FABP6: variants seen among roughly 807,000 people sequenced by gnomAD.
FABP6 encodes the protein fatty acid binding protein 6.
Under a neutral mutation model 14.9 loss-of-function variants are expected in FABP6, and 13 were observed. The ratio of observed to expected loss-of-function variants is 0.87; its 90% CI spans 0.57 to 1.39. The LOEUF is 1.39. Ranked by LOEUF, FABP6 falls within the 40% of genes most tolerant of loss-of-function variation. FABP6 has a pLI of 0.00. For missense variants in FABP6, 161 were observed against 167.2 expected (o/e 0.96, Z 0.20); for synonymous variants, 75 against 63.6 (o/e 1.18, Z -0.85).
intron 3 of FABP6, 40 bp downstream of exon 3, chr5:160,234,949 TTGTC>T (rs760478808): frequency 3.7e-5 from 58 of 1,579,336 alleles, no homozygotes; most frequent in Non-Finnish European, 5.0e-5. Context: ...TATTGGATAT[TTGTC>T]TGCCTCTTGG....
chr5:160,222,685 C>T (rs1760154690), intron 3 of FABP6, among the ~76,000 whole-genome samples: 1 of 152,096 alleles, frequency 6.6e-6, no homozygotes, highest in Non-Finnish European at 1.5e-5. Context: ...AAAATAAACC[C>T]CCTTTTTATT....
At position 160,199,112 on chromosome 5, in the gene FABP6, G is replaced by A. The variant is rs748865194; in HGVS notation, c.6G>A (p.Lys2=). The change falls in exon 2 of 7, where the codon AAG becomes AAA. Residue 2 remains lysine (K), a synonymous_variant. Transcript: ENST00000393980. The stretch of plus-strand genomic sequence containing the variant: ...GCTGGTCCAGCCCAGAGGCGATGAA[G>A]ACAGTGACGATGATGATGGTGGTGG... 3.7e-6 allele frequency: 6 copies of A among 1,614,064 alleles called. No individual in the cohort carries two copies. The Admixed American group carries it at 1.0e-4, about 27-fold the overall frequency.
intron 2 of FABP6, among the ~76,000 whole-genome samples, chr5:160,211,451 C>T (rs1243168895): frequency 6.6e-6 from 1 of 152,156 alleles, no homozygotes; most frequent in Non-Finnish European, 1.5e-5. Flanking sequence ...CCTCCCATTG[C>T]CAGTTAAGGA....
At chr5:160,190,227 G>A (rs773137270) in intron 1 of FABP6, among the ~76,000 whole-genome samples, 11 of 152,102 alleles carry the variant, frequency 7.2e-5, no homozygotes, top group African/African-American at 2.7e-4. Context: ...TCATCGTGTC[G>A]TAGCTTTTTT....
At chr5:160,215,303 C>T (rs894231510) in intron 3 of FABP6, among the ~76,000 whole-genome samples, 1 of 152,174 alleles carries the variant, frequency 6.6e-6, no homozygotes, top group Non-Finnish European at 1.5e-5. Flanking sequence ...CACCTGAGGT[C>T]AGGAGTTCGA....
chr5:160,199,708 C>G (rs1372989230), intron 2 of FABP6, among the ~76,000 whole-genome samples: 1 of 152,226 alleles, frequency 6.6e-6, no homozygotes, highest in Non-Finnish European at 1.5e-5. Flanking sequence ...AGCAAACCCG[C>G]ATGGTAGCCT....
chr5:160,228,817 C>G (rs1760306914), upstream of FABP6: 2 of 277,536 alleles, frequency 7.2e-6, no homozygotes, highest in Non-Finnish European at 7.3e-6. Context: ...TTCATCATGG[C>G]CCTTTCCATC....
rs145758115 is a variant in FABP6 at position 160,229,554 on chromosome 5, C to G, written c.-4C>G. The G allele has an allele frequency of 7.7e-5, 124 of 1,613,988 alleles. No homozygotes were observed. The African/African-American group carries it at 1.5e-3, about 19-fold the overall frequency. ...TGCTCTCTGGCCTCCAGCCTCCCAGCAGCATGGCTTTCACCGGCAAGTTCG... is the reference window on the plus strand; with the variant it reads ...TGCTCTCTGGCCTCCAGCCTCCCAGGAGCATGGCTTTCACCGGCAAGTTCG... On this transcript the variant is annotated 5_prime_UTR_variant, in exon 1 of 4. Coordinates refer to ENST00000402432, the MANE Select transcript of FABP6 (RefSeq NM_001445.3).
At chr5:160,188,964 C>A (rs1192919207) in intron 1 of FABP6, among the ~76,000 whole-genome samples, 1 of 152,146 alleles carries the variant, frequency 6.6e-6, no homozygotes, top group African/African-American at 2.4e-5. Flanking sequence ...GGGCTCTGCA[C>A]CCTTTTTCTT....
At chr5:160,236,445 GGGGGGACACACGC>G (rs1760517213) in intron 3 of FABP6, among the ~76,000 whole-genome samples, 1 of 152,060 alleles carries the variant, frequency 6.6e-6, no homozygotes, top group Non-Finnish European at 1.5e-5. Flanking sequence ...TGGGTTTGGT[GGGGGGACACACGC>G]GCAGTCCATA....
intron 3 of FABP6, among the ~76,000 whole-genome samples, chr5:160,237,664 C>T (rs1268997749): frequency 6.6e-6 from 1 of 152,144 alleles, no homozygotes; most frequent in Non-Finnish European, 1.5e-5. Flanking sequence ...TCACACATCA[C>T]CTCCCACTGC....
intron 3 of FABP6, among the ~76,000 whole-genome samples, chr5:160,221,088 CAA>C (rs397884568): frequency 5.0e-4 from 36 of 72,716 alleles, no homozygotes; most frequent in Non-Finnish European, 4.4e-4. Flanking sequence ...GACTTTCTCT[CAA>C]AAAAAAAAAA....
intron 1 of FABP6, chr5:160,195,877 C>T (rs1759499445): frequency 6.6e-6 from 1 of 152,288 alleles, no homozygotes; most frequent in African/African-American, 2.4e-5. Flanking sequence ...TGCTGTCTTC[C>T]ACTTTGCTGC....
intron 3 of FABP6, among the ~76,000 whole-genome samples, chr5:160,221,542 C>T (rs1760127986): frequency 1.3e-5 from 2 of 152,144 alleles, no homozygotes; most frequent in African/African-American, 4.8e-5. Context: ...CTGGCTGTCA[C>T]CTTCTGGCTG....
intron 3 of FABP6, among the ~76,000 whole-genome samples, chr5:160,215,171 CTGAG>C (rs1759984551): frequency 6.6e-6 from 1 of 152,176 alleles, no homozygotes; most frequent in Admixed American, 6.5e-5. Flanking sequence ...AGGAGAATGG[CTGAG>C]TAAGTTGTGA....
chr5:160,223,665 G>C (rs573487428), intron 3 of FABP6, among the ~76,000 whole-genome samples: 2 of 151,402 alleles, frequency 1.3e-5, no homozygotes, highest in Non-Finnish European at 2.9e-5. Context: ...GGGCCCAAGC[G>C]ATCTTTCCGC....
At chr5:160,213,674 T>C in intron 2 of FABP6, 1 of 1,412,046 alleles carries the variant, frequency 7.1e-7, no homozygotes, top group African/African-American at 1.4e-5. Context: ...CAGAGCTGAT[T>C]GGACCAGAGA....
intron 2 of FABP6, among the ~76,000 whole-genome samples, chr5:160,201,462 T>C (rs1461127009): frequency 6.6e-6 from 1 of 152,212 alleles, no homozygotes; most frequent in Admixed American, 6.5e-5. Flanking sequence ...ATTTTCCCCA[T>C]AGCTCTTTTG....
upstream of FABP6, chr5:160,229,358 T>G: frequency 1.5e-6 from 2 of 1,293,734 alleles, no homozygotes; most frequent in East Asian, 5.3e-5. Context: ...GTGAATAACC[T>G]CGGGGCTCTG....
Sources: gnomAD v4.1 joint callset for allele counts (sites outside exome capture counted in the v4.1 genomes callset) on GRCh38, gnomAD v4.1.1 for gene constraint, MANE v1.5 for transcripts, NCBI Gene and HGNC (gene_info 2026-07-23, HGNC 2026-07-21) for gene names.